ITPRIP: variants seen among roughly 807,000 people sequenced by gnomAD.
The protein encoded by ITPRIP is inositol 1,4,5-trisphosphate receptor-interacting protein.
Under a neutral mutation model 35.8 loss-of-function variants are expected in ITPRIP, and 32 were observed. That is an observed-to-expected ratio of 0.89 (90% CI 0.68 to 1.20). The LOEUF is 1.20. ITPRIP is among the 50% of genes most tolerant of loss of function. The pLI is 0.00. For synonymous variants in ITPRIP, 358 were observed against 324.0 expected, an observed-to-expected ratio of 1.11 and a Z score of -1.13; for missense variants, 653 against 735.6, an observed-to-expected ratio of 0.89 and a Z score of 1.30.
rs1228202468 is a variant in ITPRIP, at chr10:104,313,247, G to T, written c.*1161C>A. On this transcript the variant is annotated 3_prime_UTR_variant, in exon 2 of 2. Coordinates refer to ENST00000337478, the MANE Select transcript of ITPRIP (RefSeq NM_001272013.2). ...TGGGGCTATGACATCCTTGGCCCCT[G>T]ATCTCTGCAACTTTCTCTGAACTGG... The T allele has an allele frequency of 3.0e-6, 3 of 985,474 alleles. No homozygotes were observed. Among genetic ancestry groups the T allele is most frequent in the South Asian group, 4.7e-5 (1 of 21,308 alleles). 61.0% of individuals were successfully genotyped at this position (985,474 alleles called of 1,614,324 possible).
chr10:104,315,600 C>CG lies in ITPRIP; in HGVS notation c.451dup (p.Arg151ProfsTer20). On this transcript the variant is annotated frameshift_variant, in exon 2 of 2. Coordinates refer to ENST00000337478, the MANE Select transcript of ITPRIP (RefSeq NM_001272013.2). LOFTEE classifies it high-confidence loss of function. This position sits in a 1 kb window ranked among gnomAD's most constrained non-coding sequence, Gnocchi z 5.7. ...ACGGGCTGCATCGGCCGTGGCCCCC[C>CG]GGATGCAGCGCTCATAAAAGTGGCC... is the stretch of plus-strand genomic sequence containing the variant. 1 of 1,613,404 alleles carries CG rather than the reference C, an allele frequency of 6.2e-7. No homozygotes were observed. Among genetic ancestry groups the CG allele is most frequent in the Non-Finnish European group, 8.5e-7 (1 of 1,179,992 alleles).
At chr10:104,316,102 C>T in intron 1 of ITPRIP, 38 bp from the exon 2 acceptor site, 1 of 1,481,274 alleles carries the variant, frequency 6.8e-7, no homozygotes, top group Non-Finnish European at 9.0e-7. Context: ...CCAAGCTTCC[C>T]TCAATGCCAC....
intron 1 of ITPRIP, among the ~76,000 whole-genome samples, chr10:104,334,432 T>C (rs2014203387): frequency 3.9e-5 from 6 of 152,364 alleles, no homozygotes; most frequent in South Asian, 4.1e-4. Context: ...GATTTGCATA[T>C]AGCACTTACT....
rs76958433 is a variant in ITPRIP at position 104,319,116 on chromosome 10, G to A, written c.-13-3052C>T. 4.7e-3 allele frequency among the ~76,000 whole-genome samples: 714 copies of A among 152,380 alleles called. 8 individuals are homozygous for A. The highest frequency in any genetic ancestry group is 0.017 in the African/African-American group (688 of 41,600). ...ACTGCAAGGAAAGGGGGCCTGGGCT[G>A]TAGACCCAGCAGACCTGTGTTCTAA... On this transcript the variant is annotated intron_variant, in intron 1 of 1. Transcript: ENST00000337478.
At chr10:104,331,334 T>C (rs532412636) in intron 1 of ITPRIP, among the ~76,000 whole-genome samples, 3 of 152,312 alleles carry the variant, frequency 2.0e-5, no homozygotes, top group African/African-American at 7.2e-5. Context: ...AAAGGACGCG[T>C]TCGTAAACTT....
At position 104,315,146 on chromosome 10, in the gene ITPRIP, C is replaced by G; in HGVS notation, c.906G>C (p.Lys302Asn). The change falls in exon 2 of 2, where the codon AAG becomes AAC. Residue 302 changes from lysine to asparagine, a missense_variant. Lys to Asn is a moderately conservative substitution (Grantham distance 94). Coordinates refer to ENST00000337478, the MANE Select transcript of ITPRIP (RefSeq NM_001272013.2). This position sits in a 1 kb window ranked among gnomAD's most constrained non-coding sequence, Gnocchi z 5.7. ...SLYLDTMQVM[K>N]WFQTALTRAW... ...CTCTGGTGAGGGCCGTCTGGAACCACTTCATGACCTGCATCGTGTCCAGGT... is the reference window on the plus strand; with the variant it reads ...CTCTGGTGAGGGCCGTCTGGAACCAGTTCATGACCTGCATCGTGTCCAGGT... 6.2e-7 allele frequency: 1 copy of G among 1,614,138 alleles called. No individual in the cohort carries two copies. Among genetic ancestry groups the G allele is most frequent in the Admixed American group, 1.7e-5 (1 of 60,030 alleles).
In ITPRIP at chr10:104,328,417, C is replaced by G. The variant is rs1180470020; in HGVS notation, c.-14+9829G>C. 6.6e-6 allele frequency among the ~76,000 whole-genome samples: 1 copy of G among 152,088 alleles called. No individual in the cohort carries two copies. Among genetic ancestry groups the G allele is most frequent in the African/African-American group, 2.4e-5 (1 of 41,410 alleles). Reference sequence around the variant, plus strand: ...CCTTTCTCTCTCTCCACCCCATGATCTACACACCCCCTGCCTCCAAGCAGA... The same window carrying G: ...CCTTTCTCTCTCTCCACCCCATGATGTACACACCCCCTGCCTCCAAGCAGA... On this transcript the variant is annotated intron_variant, in intron 1 of 1. Transcript: ENST00000337478. This position sits in a 1 kb window ranked among gnomAD's most constrained non-coding sequence, Gnocchi z 4.1.
At chr10:104,319,002 A>G (rs1000333009) in intron 1 of ITPRIP, among the ~76,000 whole-genome samples, 16 of 152,368 alleles carry the variant, frequency 1.1e-4, no homozygotes, top group Middle Eastern at 3.4e-3. Context: ...GGCAGGATGT[A>G]GGCAGTGCAT....
At chr10:104,321,137 A>G (rs1228635581) in intron 1 of ITPRIP, among the ~76,000 whole-genome samples, 1 of 152,108 alleles carries the variant, frequency 6.6e-6, no homozygotes, top group Non-Finnish European at 1.5e-5. Context: ...CCCAATTCCA[A>G]GGATGTCCAC....
chr10:104,329,707 G>T (rs187543461), intron 1 of ITPRIP, among the ~76,000 whole-genome samples: 2 of 152,156 alleles, frequency 1.3e-5, no homozygotes, highest in East Asian at 3.9e-4. Context: ...CATTGCTAAG[G>T]AGTCAAACTC....
chr10:104,330,686 A>C (rs1052727653), intron 1 of ITPRIP, among the ~76,000 whole-genome samples: 15 of 152,252 alleles, frequency 9.9e-5, no homozygotes, highest in African/African-American at 3.6e-4. Context: ...AATGAATTAC[A>C]ACCACTGCAT....
At position 104,313,504 on chromosome 10, in the gene ITPRIP, G is replaced by A. The variant is rs1395286260; in HGVS notation, c.*904C>T. 1.6e-5 allele frequency: 16 copies of A among 985,492 alleles called. No homozygotes were observed. The highest frequency in any genetic ancestry group is 1.7e-5 in the Non-Finnish European group (14 of 830,094). The allele number at this position is 985,492 out of a possible 1,614,324, so 61.0% of individuals were successfully genotyped here. On this transcript the variant is annotated 3_prime_UTR_variant, in exon 2 of 2. Coordinates refer to ENST00000337478, the MANE Select transcript of ITPRIP (RefSeq NM_001272013.2). Reference sequence around the variant, plus strand: ...AGCTGTCCTTTGCCACAGTCACCCCGTGTGTCTCTTTCTCCAGGTCAGCTT... The same window carrying A: ...AGCTGTCCTTTGCCACAGTCACCCCATGTGTCTCTTTCTCCAGGTCAGCTT...
chr10:104,313,175 T>G lies in ITPRIP; in HGVS notation c.*1233A>C, dbSNP rs1231803431. 1 of 985,440 alleles carries G rather than the reference T, an allele frequency of 1.0e-6. No homozygotes were observed. The highest frequency in any genetic ancestry group is 1.7e-5 in the African/African-American group (1 of 57,220). The allele number at this position is 985,440 out of a possible 1,614,324, so 61.0% of individuals were successfully genotyped here. On this transcript the variant is annotated 3_prime_UTR_variant, in exon 2 of 2. Coordinates refer to ENST00000337478, the MANE Select transcript of ITPRIP (RefSeq NM_001272013.2). ...ACTGGAGCTAGGTTTCCATAGTTCT[T>G]GCTTCCATGCACACCCTGCCCTAGG...
At position 104,313,808 on chromosome 10, in the gene ITPRIP, T is replaced by C. The variant is rs505701; in HGVS notation, c.*600A>G. ...TTCCGTGTGACAGAGACGTTAGTCATTTGGGCCTCGAATTTATACAAGGTC... is the reference window on the plus strand; with the variant it reads ...TTCCGTGTGACAGAGACGTTAGTCACTTGGGCCTCGAATTTATACAAGGTC... On this transcript the variant is annotated 3_prime_UTR_variant, in exon 2 of 2. Transcript: ENST00000337478. 329,491 of 985,370 alleles carry C rather than the reference T, an allele frequency of 0.33. 60,142 individuals carry two copies. Among genetic ancestry groups the C allele is most frequent in the African/African-American group, 0.72 (41,104 of 57,278 alleles). The allele number at this position is 985,370 out of a possible 1,614,324, so 61.0% of individuals were successfully genotyped here. A position where few individuals can be genotyped will look rare whatever the true frequency, so the allele number is the denominator to read the frequency against.
intron 1 of ITPRIP, chr10:104,324,050 T>C (rs1180350584): frequency 6.5e-6 from 1 of 152,706 alleles, no homozygotes; most frequent in Non-Finnish European, 1.5e-5. Flanking sequence ...TTATTGCACA[T>C]TGGGAGGAGG....
In ITPRIP at chr10:104,313,275, C is replaced by A; in HGVS notation, c.*1133G>T. ...CTCTGCAACTTTCTCTGAACTGGGC[C>A]AGACTGCAAGCCAGACACCACCACC... On this transcript the variant is annotated 3_prime_UTR_variant, in exon 2 of 2. Coordinates refer to ENST00000337478, the MANE Select transcript of ITPRIP (RefSeq NM_001272013.2). 1.0e-6 allele frequency: 1 copy of A among 985,828 alleles called. No homozygotes were observed. Among genetic ancestry groups the A allele is most frequent in the South Asian group, 4.7e-5 (1 of 21,340 alleles). 61.1% of individuals were successfully genotyped at this position (985,828 alleles called of 1,614,324 possible).
At chr10:104,325,161 A>C (rs2013963148) in intron 1 of ITPRIP, among the ~76,000 whole-genome samples, 1 of 152,204 alleles carries the variant, frequency 6.6e-6, no homozygotes. Flanking sequence ...CGGAGGTCAC[A>C]GTGAGCTGAA....
chr10:104,320,535 AT>A (rs34369154), intron 1 of ITPRIP, among the ~76,000 whole-genome samples: 25,825 of 131,564 alleles, frequency 0.2, 1,823 homozygotes, highest in Middle Eastern at 0.24. Context: ...TCTGCCTGTA[AT>A]TTTTTTTTTT....
Position 104,314,827 on chromosome 10 carries a change from G to A in ITPRIP, c.1225C>T (p.Leu409=). 6.2e-7 allele frequency: 1 copy of A among 1,613,932 alleles called. No individual in the cohort carries two copies. The highest frequency in any genetic ancestry group is 8.5e-7 in the Non-Finnish European group (1 of 1,180,032). The stretch of plus-strand genomic sequence containing the variant: ...GAGAGCAGGAAGGATGCTATCTGCA[G>A]GCAGCTGAGGTGGCAGGCGCCCTCG... The part of the protein sequence containing the change: ...LPEGACHLSC[L]QIASFLLSKQ... Residue 409 remains leucine (L), a synonymous_variant, in exon 2 of 2, where the codon CTG becomes TTG. Transcript: ENST00000337478.
Sources: allele counts gnomAD v4.1 joint callset (sites outside exome capture counted in the v4.1 genomes callset), GRCh38; gene constraint gnomAD v4.1.1; non-coding constraint Gnocchi (gnomAD v3.1); transcripts MANE v1.5; gene names NCBI Gene and HGNC (gene_info 2026-07-23, HGNC 2026-07-21).